Variants in LRRC49 observed in about 807,000 individuals in gnomAD.
The protein encoded by LRRC49 is leucine-rich repeat-containing protein 49.
Under a neutral mutation model 83.3 loss-of-function variants are expected in LRRC49, and 50 were observed. The observed-to-expected ratio is 0.60, with a 90% CI of 0.48 to 0.76. The LOEUF is 0.76. Among genes scored for constraint, LRRC49 ranks in the 30% least tolerant of loss-of-function variants. The pLI, the probability that LRRC49 is intolerant of heterozygous loss-of-function variation, is 0.00. For missense variants in LRRC49, 704 were observed against 809.1 expected (o/e 0.87, Z 1.58); for synonymous variants, 286 against 283.3 (o/e 1.01, Z -0.10).
At chr15:71,004,013 A>G (rs973409785) in intron 11 of LRRC49, among the ~76,000 whole-genome samples, 2 of 152,182 alleles carry the variant, frequency 1.3e-5, no homozygotes, top group Non-Finnish European at 2.9e-5. Context: ...AGCATATCTT[A>G]TTCATCTTTG....
chr15:70,908,742 C>T (rs556055933), intron 5 of LRRC49: 8 of 152,362 alleles, frequency 5.3e-5, no homozygotes, highest in African/African-American at 1.9e-4. Flanking sequence ...ATTCAGGCCC[C>T]TAACATAATT....
chr15:70,854,198 C>T (rs2032585380), intron 1 of LRRC49: 2 of 773,374 alleles, frequency 2.6e-6, no homozygotes, highest in Non-Finnish European at 3.3e-6. Flanking sequence ...GCCTGCCGCT[C>T]GGCCCAGGGG....
At position 70,853,896 on chromosome 15, in the gene LRRC49, C is replaced by G. The variant is rs771924888; in HGVS notation, c.-299+427C>G. ...GCCAGCCGCCGCGCCTACCTGTGCC[C>G]GCGGCTCGGCTCCTCCTCGCTCGCG... On this transcript the variant is annotated intron_variant, in intron 1 of 16. Coordinates refer to the LRRC49 transcript ENST00000544974. The G allele has an allele frequency of 8.4e-5, 111 of 1,317,040 alleles. No homozygotes were observed. Among genetic ancestry groups the G allele is most frequent in the South Asian group, 7.6e-4 (37 of 48,552 alleles). 81.6% of individuals were successfully genotyped at this position (1,317,040 alleles called of 1,614,324 possible). A position where few individuals can be genotyped will look rare whatever the true frequency, so the allele number is the denominator to read the frequency against.
chr15:70,924,017 A>G (rs1397896831), intron 7 of LRRC49, among the ~76,000 whole-genome samples: 2 of 151,890 alleles, frequency 1.3e-5, no homozygotes, highest in East Asian at 1.9e-4. Context: ...ATTTGTCCCA[A>G]TAATGTTCTT....
intron 3 of LRRC49, chr15:70,900,431 C>T: frequency 2.2e-6 from 1 of 455,774 alleles, no homozygotes; most frequent in Non-Finnish European, 4.4e-6. Context: ...ATTTCCTATG[C>T]ATCTCATCCA....
intron 7 of LRRC49, among the ~76,000 whole-genome samples, chr15:70,929,762 A>G (rs1202423373): frequency 6.6e-6 from 1 of 152,226 alleles, no homozygotes; most frequent in Admixed American, 6.5e-5. Flanking sequence ...AGCAATGTTC[A>G]TAGCATCTTT....
intron 7 of LRRC49, among the ~76,000 whole-genome samples, chr15:70,929,208 T>C (rs187604974): frequency 1.3e-4 from 20 of 152,320 alleles, no homozygotes; most frequent in Non-Finnish European, 2.9e-5. Flanking sequence ...TTATTTCTAA[T>C]GCAGGTATAC....
chr15:70,859,704 T>G, intron 1 of LRRC49: 1 of 679,372 alleles, frequency 1.5e-6, no homozygotes, highest in South Asian at 1.4e-5. Flanking sequence ...ATGGCTTCCC[T>G]GGAGGCCACC....
Position 70,903,669 on chromosome 15 carries a change from A to G in LRRC49, c.297-883A>G, listed in dbSNP as rs1044406631. 5.3e-5 allele frequency among the ~76,000 whole-genome samples: 8 copies of G among 152,294 alleles called. No homozygotes were observed. In the East Asian group the frequency reaches 1.3e-3, roughly 26 times the overall value. On this transcript the variant is annotated intron_variant, in intron 4 of 15. Transcript: ENST00000260382. ...GAGAATATTTCTAATAAACTTCCCTATTAGAGTTGTTCACACTCAGATAGA... is the reference window on the plus strand; with the variant it reads ...GAGAATATTTCTAATAAACTTCCCTGTTAGAGTTGTTCACACTCAGATAGA...
At chr15:70,941,906 G>A (rs1301851833) in intron 8 of LRRC49, among the ~76,000 whole-genome samples, 1 of 152,112 alleles carries the variant, frequency 6.6e-6, no homozygotes, top group Non-Finnish European at 1.5e-5. Flanking sequence ...TTATGAGTCA[G>A]TTGGAGGGTT....
chr15:71,022,528 C>T (rs976761003), intron 14 of LRRC49, among the ~76,000 whole-genome samples: 4 of 151,494 alleles, frequency 2.6e-5, no homozygotes, highest in Admixed American at 1.3e-4. Context: ...AAATACTTAC[C>T]GAAATAAAAA....
chr15:70,891,149 G>C (rs1008568675), upstream of LRRC49, among the ~76,000 whole-genome samples: 3 of 152,124 alleles, frequency 2.0e-5, no homozygotes, highest in Admixed American at 6.5e-5. Context: ...CACAAGGAAG[G>C]CTGGAAAGTT....
intron 11 of LRRC49, among the ~76,000 whole-genome samples, chr15:71,002,855 CT>C (rs2038309771): frequency 6.8e-6 from 1 of 145,998 alleles, no homozygotes; most frequent in African/African-American, 2.6e-5. Context: ...TTTAGCTGGG[CT>C]TTCAGAGTCA....
At chr15:70,903,789 A>G (rs1271806386) in intron 4 of LRRC49, among the ~76,000 whole-genome samples, 1 of 152,132 alleles carries the variant, frequency 6.6e-6, no homozygotes, top group Non-Finnish European at 1.5e-5. Context: ...GAATTCTTAA[A>G]GGGCCCTGAA....
chr15:70,921,546 C>G (rs553443730), intron 7 of LRRC49, among the ~76,000 whole-genome samples: 55 of 152,278 alleles, frequency 3.6e-4, no homozygotes, highest in African/African-American at 1.3e-3. Context: ...GCACAGTTCA[C>G]CGTAGTCCAT....
intron 9 of LRRC49, among the ~76,000 whole-genome samples, chr15:70,964,524 T>A (rs1278430287): frequency 6.6e-6 from 1 of 152,158 alleles, no homozygotes; most frequent in African/African-American, 2.4e-5. Flanking sequence ...AGTAGCTACC[T>A]CTTTTTATTC....
chr15:70,898,584 T>C, intron 3 of LRRC49: 1 of 520,134 alleles, frequency 1.9e-6, no homozygotes. Context: ...AGACCCCATC[T>C]TGAACATGGG....
In LRRC49 at chr15:71,049,444, T is replaced by C; in HGVS notation, c.1893T>C (p.Tyr631=). The part of the protein sequence containing the change: ...IKEKKKFCKT[Y]IEDLVKEATE... The stretch of plus-strand genomic sequence containing the variant: ...AAAAGAAGAAATTCTGTAAAACATA[T>C]ATAGAAGACCTTGTGAAGGAAGCCA... The change falls in exon 16 of 16, where the codon TAT becomes TAC. Residue 631 remains tyrosine (Y), a synonymous_variant. Coordinates refer to ENST00000260382, the MANE Select transcript of LRRC49 (RefSeq NM_017691.5). 6.2e-7 allele frequency: 1 copy of C among 1,610,684 alleles called. No homozygotes were observed.
intron 14 of LRRC49, among the ~76,000 whole-genome samples, chr15:71,019,253 G>T (rs1008963278): frequency 8.5e-5 from 13 of 152,100 alleles, no homozygotes; most frequent in Admixed American, 1.3e-4. Flanking sequence ...TTATGCCTTG[G>T]TCTTTCCAGT....
Sources: allele counts gnomAD v4.1 joint callset (sites outside exome capture counted in the v4.1 genomes callset), GRCh38; gene constraint gnomAD v4.1.1; transcripts MANE v1.5; gene names NCBI Gene and HGNC (gene_info 2026-07-23, HGNC 2026-07-21).